Variants in ZNF611 observed in about 807,000 individuals in gnomAD.
ZNF611 encodes zinc finger protein 611.
A neutral mutation model predicts 8.9 loss-of-function variants in ZNF611; 6 were observed. The observed-to-expected ratio is 0.68, with a 90% CI of 0.37 to 1.34. The LOEUF (loss-of-function observed/expected upper bound fraction) is 1.34, where lower values mean the gene tolerates loss of function less well. Ranked by LOEUF, ZNF611 falls within the 40% of genes most tolerant of loss-of-function variation. The probability of loss-of-function intolerance (pLI) is 0.02; values close to 1 mark genes in which losing one functional copy is unlikely to be tolerated. For missense variants in ZNF611, 874 were observed against 841.3 expected (o/e 1.04, Z -0.48); for synonymous variants, 262 against 279.7 (o/e 0.94, Z 0.63).
chr19:52,706,333 T>C lies in ZNF611; in HGVS notation c.722A>G (p.Asn241Ser). The change falls in exon 6 of 6, where the codon AAT (asparagine) becomes AGT (serine). Residue 241 changes from asparagine (N) to serine (S), a missense_variant. Physicochemically the swap from Asn to Ser is conservative, Grantham distance 46 (BLOSUM62 1). Transcript: ENST00000652185. ...GTGTTTCCTTAAGAGTGAGCTACAATTAAAGGCTTTGCCACTCTTATTACA... is the reference window on the plus strand; with the variant it reads ...GTGTTTCCTTAAGAGTGAGCTACAACTAAAGGCTTTGCCACTCTTATTACA... ...FQCNKSGKAF[N>S]CSSLLRKHQI... 1 of 1,614,180 alleles carries C rather than the reference T, an allele frequency of 6.2e-7. No individual in the cohort carries two copies. The highest frequency in any genetic ancestry group is 8.5e-7 in the Non-Finnish European group (1 of 1,180,038).
At position 52,704,437 on chromosome 19, in the gene ZNF611, T is replaced by G. The variant is rs2062225417; in HGVS notation, c.*500A>C. 2.8e-6 allele frequency: 2 copies of G among 718,892 alleles called. No individual in the cohort carries two copies. The highest frequency in any genetic ancestry group is 5.1e-6 in the Non-Finnish European group (2 of 389,852). The allele number at this position is 718,892 out of a possible 1,614,324, so 44.5% of individuals were successfully genotyped here. A position where few individuals can be genotyped will look rare whatever the true frequency, so the allele number is the denominator to read the frequency against. On this transcript the variant is annotated 3_prime_UTR_variant, in exon 6 of 6. Transcript: ENST00000652185. ...GGCTTTGCCACAATCATCACACTTG[T>G]GAGGTTTCTCTCCTGTATAAATTCT... is the stretch of plus-strand genomic sequence containing the variant.
rs2062235594 is a variant in ZNF611, at chr19:52,705,565, A to C, written c.1490T>G (p.Leu497Arg). 1 of 1,613,964 alleles carries C rather than the reference A, an allele frequency of 6.2e-7. No homozygotes were observed. Among genetic ancestry groups the C allele is most frequent in the South Asian group, 1.1e-5 (1 of 91,074 alleles). Residue 497 changes from leucine (L) to arginine (R), a missense_variant, in exon 6 of 6, where the codon CTT (leucine) becomes CGT (arginine). Transcript: ENST00000652185. ...AGTATGAATTGACTTATGAATTAAAAGATCTGAATTTTGACCAAAGGTCTT... is the reference window on the plus strand; with the variant it reads ...AGTATGAATTGACTTATGAATTAAACGATCTGAATTTTGACCAAAGGTCTT... ...CGKTFGQNSD[L>R]LIHKSIHTGE...
In ZNF611 at chr19:52,722,406, A is replaced by T. The variant is rs1373846190; in HGVS notation, c.-20+6324T>A. On this transcript the variant is annotated intron_variant, in intron 3 of 5. Coordinates refer to ENST00000652185, the MANE Select transcript of ZNF611 (RefSeq NM_001161499.2). The stretch of plus-strand genomic sequence containing the variant: ...CAAAATATTAATTAATTAATTAATT[A>T]ATTAAAAGTATTATGTAATAACAGA... Among the ~76,000 whole-genome samples, 8 of 152,164 alleles carry T rather than the reference A, an allele frequency of 5.3e-5. No individual in the cohort carries two copies. In the South Asian group the frequency reaches 1.7e-3, roughly 32 times the overall value.
chr19:52,712,591 T>C (rs1600312254), intron 5 of ZNF611, among the ~76,000 whole-genome samples: 2 of 150,240 alleles, frequency 1.3e-5, no homozygotes, highest in South Asian at 4.2e-4. Flanking sequence ...TAAGCTGAGA[T>C]TGCACCACTG....
intron 3 of ZNF611, among the ~76,000 whole-genome samples, chr19:52,722,602 T>C (rs193181052): frequency 3.3e-5 from 5 of 152,118 alleles, no homozygotes; most frequent in African/African-American, 4.8e-5. Flanking sequence ...ATGACTCACA[T>C]AGGAATTTTA....
rs752646757 is a variant in ZNF611, at chr19:52,706,151, G to C, written c.904C>G (p.Leu302Val). 1 of 1,614,084 alleles carries C rather than the reference G, an allele frequency of 6.2e-7. No individual in the cohort carries two copies. Among genetic ancestry groups the C allele is most frequent in the Non-Finnish European group, 8.5e-7 (1 of 1,179,980 alleles). The change falls in exon 6 of 6, where the codon CTT (leucine) becomes GTT (valine). Residue 302 changes from leucine to valine, a missense_variant. Physicochemically the swap from Leu to Val is conservative, Grantham distance 32. Transcript: ENST00000652185. ...GTATGAAGTCTACGATGGCAGGTAA[G>C]GGATGACTCCTGACTGAAGGTCTTG... The part of the protein sequence containing the change: ...CGKTFSQESS[L>V]TCHRRLHTGV...
intron 5 of ZNF611, among the ~76,000 whole-genome samples, chr19:52,709,514 G>A (rs1015545993): frequency 1.3e-5 from 2 of 151,982 alleles, no homozygotes; most frequent in Non-Finnish European, 2.9e-5. Context: ...CTCATGATCC[G>A]CCCTCCTCGC....
intron 4 of ZNF611, among the ~76,000 whole-genome samples, chr19:52,714,591 G>A (rs1339160836): frequency 2.0e-5 from 3 of 151,230 alleles, no homozygotes. Flanking sequence ...AGGAGGCTGA[G>A]GCAGGAGAAT....
Position 52,704,818 on chromosome 19 carries a change from G to T in ZNF611, c.*119C>A. Reference sequence around the variant, plus strand: ...AAGTCCAGTATGTTGTTCCAGGTGTGAATCACTCCCAAGTCTTGTCAGAAA... The same window carrying T: ...AAGTCCAGTATGTTGTTCCAGGTGTTAATCACTCCCAAGTCTTGTCAGAAA... On this transcript the variant is annotated 3_prime_UTR_variant, in exon 6 of 6. Coordinates refer to ENST00000652185, the MANE Select transcript of ZNF611 (RefSeq NM_001161499.2). The T allele has an allele frequency of 6.2e-7, 1 of 1,600,226 alleles. No individual in the cohort carries two copies. The highest frequency in any genetic ancestry group is 8.6e-7 in the Non-Finnish European group (1 of 1,168,338).
At chr19:52,726,196 T>C (rs546171434) in intron 3 of ZNF611, among the ~76,000 whole-genome samples, 3 of 151,994 alleles carry the variant, frequency 2.0e-5, no homozygotes, top group Admixed American at 6.5e-5. Context: ...GATGCGGGAC[T>C]GGGTGCTCAG....
chr19:52,709,235 TTTTC>T (rs2062264343), intron 5 of ZNF611, among the ~76,000 whole-genome samples: 1 of 152,076 alleles, frequency 6.6e-6, no homozygotes, highest in African/African-American at 2.4e-5. Flanking sequence ...TAATTGTATT[TTTTC>T]TTTCTTTTTT....
Position 52,715,880 on chromosome 19 carries a change from T to C in ZNF611, c.15A>G (p.Glu5=). 1 of 1,613,526 alleles carries C rather than the reference T, an allele frequency of 6.2e-7. No homozygotes were observed. The highest frequency in any genetic ancestry group is 1.1e-5 in the South Asian group (1 of 91,076). The change falls in exon 4 of 6, where the codon GAA becomes GAG. Residue 5 remains glutamate, a synonymous_variant. Transcript: ENST00000652185. ...CCTTTCCTTTCCTCTTCTGAGCTGC[T>C]TCCTCACGTAACATGAGTCTTTAGG... is the stretch of plus-strand genomic sequence containing the variant. The part of the protein sequence containing the change: MLRE[E]AAQKRKGKEP...
At chr19:52,720,727 CCTCACAT>C (rs2062352509) in intron 3 of ZNF611, among the ~76,000 whole-genome samples, 1 of 151,140 alleles carries the variant, frequency 6.6e-6, no homozygotes, top group African/African-American at 2.4e-5. Context: ...CAGAGGCACT[CCTCACAT>C]CCCAGACGGG....
chr19:52,726,218 G>C (rs1039354351), intron 3 of ZNF611, among the ~76,000 whole-genome samples: 3 of 152,086 alleles, frequency 2.0e-5, no homozygotes, highest in African/African-American at 4.8e-5. Flanking sequence ...CCAGGGAGGA[G>C]TGAGGTCACC....
intron 4 of ZNF611, among the ~76,000 whole-genome samples, chr19:52,715,578 C>T (rs1463788887): frequency 2.0e-5 from 3 of 152,192 alleles, no homozygotes; most frequent in Admixed American, 2.0e-4. Context: ...CGGGCTCACA[C>T]CCCATGTTTA....
intron 3 of ZNF611, among the ~76,000 whole-genome samples, chr19:52,722,905 G>A (rs901810934): frequency 8.3e-6 from 1 of 120,010 alleles, no homozygotes; most frequent in African/African-American, 3.1e-5. Flanking sequence ...TTTTGTTTTC[G>A]TTTTTTTTTT....
Position 52,705,048 on chromosome 19 carries a change from G to A in ZNF611, c.2007C>T (p.Thr669=). Residue 669 remains threonine (T), a synonymous_variant, in exon 6 of 6, where the codon ACC becomes ACT. Transcript: ENST00000652185. ...AAGGTTTCTCTGCAGTGTGAATTCT[G>A]GTATGTCTTGACAGGAGTGAATTAC... ...FVRNSLLSRH[T]RIHTAEKPYK... The A allele has an allele frequency of 6.2e-7, 1 of 1,613,798 alleles. No individual in the cohort carries two copies.
In ZNF611 at chr19:52,705,724, T is replaced by C. The variant is rs2062236993; in HGVS notation, c.1331A>G (p.His444Arg). Residue 444 changes from histidine (H) to arginine (R), a missense_variant, in exon 6 of 6, where the codon CAT becomes CGT. Coordinates refer to ENST00000652185, the MANE Select transcript of ZNF611 (RefSeq NM_001161499.2). ...TFSHKSSLVCHHRLHGGEKSY... is the reference protein window; with the variant it reads ...TFSHKSSLVCRHRLHGGEKSY... ...TTTCTCTCCACCATGAAGTCTATGA[T>C]GGCATACAAGGGATGACTTGTGACT... is the stretch of plus-strand genomic sequence containing the variant. 4 of 1,614,132 alleles carry C rather than the reference T, an allele frequency of 2.5e-6. No homozygotes were observed. The highest frequency in any genetic ancestry group is 3.4e-6 in the Non-Finnish European group (4 of 1,179,978).
intron 3 of ZNF611, among the ~76,000 whole-genome samples, chr19:52,720,235 C>T (rs534612983): frequency 7.4e-4 from 113 of 152,344 alleles, no homozygotes; most frequent in African/African-American, 2.5e-3. Context: ...CTTTTCTTTT[C>T]GACAAAACCG....
Sources: allele counts gnomAD v4.1 joint callset (sites outside exome capture counted in the v4.1 genomes callset), GRCh38; gene constraint gnomAD v4.1.1; transcripts MANE v1.5; gene names NCBI Gene and HGNC (gene_info 2026-07-23, HGNC 2026-07-21).